Variants in CTR9 observed in about 807,000 individuals in gnomAD.
CTR9 encodes RNA polymerase-associated protein CTR9 homolog.
CTR9 carries 41 observed loss-of-function variants against 152.1 expected under a neutral mutation model. The observed-to-expected ratio is 0.27, with a 90% CI of 0.21 to 0.35. CTR9 has a LOEUF of 0.35. Ranked by LOEUF, CTR9 falls within the 10% of genes least tolerant of loss-of-function variation. CTR9 has a pLI of 1.00. For synonymous variants in CTR9, 476 were observed against 496.2 expected (o/e 0.96, Z 0.54); for missense variants, 917 against 1,424.4 (o/e 0.64, Z 5.73).
In CTR9 at chr11:10,763,631, T is replaced by G; in HGVS notation, c.958-12T>G. ...TTGTACATATTGGTCTTTTTTAATT[T>G]TCATTCTTTAGGAAGATTATGACCA... On this transcript the variant is annotated splice_polypyrimidine_tract_variant and intron_variant, in intron 8 of 24. Transcript: ENST00000361367. 1 of 1,587,508 alleles carries G rather than the reference T, an allele frequency of 6.3e-7. No individual in the cohort carries two copies. Among genetic ancestry groups the G allele is most frequent in the Non-Finnish European group, 8.5e-7 (1 of 1,170,884 alleles).
chr11:10,767,683 G>C lies in CTR9; in HGVS notation c.1687-123G>C. 1 of 812,512 alleles carries C rather than the reference G, an allele frequency of 1.2e-6. No individual in the cohort carries two copies. 50.3% of individuals were successfully genotyped at this position (812,512 alleles called of 1,614,324 possible). On this transcript the variant is annotated intron_variant, in intron 13 of 24. Transcript: ENST00000361367. The surrounding 1 kb of genome is among the most constrained non-coding windows in gnomAD (Gnocchi z 4.0). ...CAAAAAAAAAAAGAAAGAAAGAAAA[G>C]AAAGAAAACCACTGTTGTAATATAG...
intron 5 of CTR9, among the ~76,000 whole-genome samples, chr11:10,758,115 C>T (rs1564965814): frequency 6.6e-6 from 1 of 152,158 alleles, no homozygotes; most frequent in Non-Finnish European, 1.5e-5. Context: ...GGGGTCAAAG[C>T]TATAACCAGG....
intron 24 of CTR9, among the ~76,000 whole-genome samples, chr11:10,776,551 C>T (rs562662122): frequency 6.6e-6 from 1 of 152,264 alleles, no homozygotes; most frequent in African/African-American, 2.4e-5. Flanking sequence ...TTTATTCATT[C>T]AACAGACATT....
intron 24 of CTR9, among the ~76,000 whole-genome samples, chr11:10,777,971 A>G (rs904984302): frequency 4.6e-5 from 7 of 152,218 alleles, no homozygotes; most frequent in Admixed American, 1.3e-4. Context: ...CAGGAAGCCA[A>G]GACTCTGAGG....
rs1863070843 is a variant in CTR9, at chr11:10,767,018, C to G, written c.1686+528C>G. ...TATTTGCTTTTGCCAATGGGCGATA[C>G]ACTGATATTTTTACTTTATTCCATT... On this transcript the variant is annotated intron_variant, in intron 13 of 24. Transcript: ENST00000361367. This position sits in a 1 kb window ranked among gnomAD's most constrained non-coding sequence, Gnocchi z 4.0. 1 of 152,714 alleles carries G rather than the reference C, an allele frequency of 6.5e-6. No individual in the cohort carries two copies. Among genetic ancestry groups the G allele is most frequent in the Admixed American group, 6.5e-5 (1 of 15,306 alleles). 9.5% of individuals were successfully genotyped at this position (152,714 alleles called of 1,614,324 possible).
chr11:10,766,543 C>A, intron 13 of CTR9, 53 bp downstream of exon 13: 1 of 1,331,268 alleles, frequency 7.5e-7, no homozygotes, highest in Non-Finnish European at 1.0e-6. Flanking sequence ...ACTTTTCCTT[C>A]CCCATAAATC....
chr11:10,764,799 C>G, intron 12 of CTR9, 68 bp downstream of exon 12: 1 of 1,382,570 alleles, frequency 7.2e-7, no homozygotes, highest in South Asian at 1.6e-5. Flanking sequence ...AAAATTTAGC[C>G]TGAAAAAAAT....
rs1442214207 is a variant in CTR9 at position 10,755,063 on chromosome 11, A to G, written c.250A>G (p.Thr84Ala). 6.2e-7 allele frequency: 1 copy of G among 1,614,010 alleles called. No individual in the cohort carries two copies. The highest frequency in any genetic ancestry group is 1.1e-5 in the South Asian group (1 of 91,088). Residue 84 changes from threonine to alanine, a missense_variant, in exon 3 of 25, where the codon ACT (threonine) becomes GCT (alanine). Physicochemically the swap from Thr to Ala is moderately conservative, Grantham distance 58. This residue lies in a region of CTR9 where 67 missense variants were observed against 106.9 expected (regional missense o/e 0.63). Coordinates refer to ENST00000361367, the MANE Select transcript of CTR9 (RefSeq NM_014633.5). Reference sequence around the variant, plus strand: ...TAGAGACCATGAAAAAGACCAGATGACTTGCTTGGATACATTGGCAGCGTA... The same window carrying G: ...TAGAGACCATGAAAAAGACCAGATGGCTTGCTTGGATACATTGGCAGCGTA... ...DYRDHEKDQM[T>A]CLDTLAAYYV...
chr11:10,768,331 T>C lies in CTR9; in HGVS notation c.1961-12T>C. 6.2e-7 allele frequency: 1 copy of C among 1,605,074 alleles called. No homozygotes were observed. Among genetic ancestry groups the C allele is most frequent in the African/African-American group, 1.3e-5 (1 of 74,354 alleles). On this transcript the variant is annotated splice_polypyrimidine_tract_variant and intron_variant, in intron 15 of 24. Transcript: ENST00000361367. ...AGAAAATTGTTAAGTGTGAACCTTTTTATATCTTTAGGAGCTGTTTTGGCC... is the reference window on the plus strand; with the variant it reads ...AGAAAATTGTTAAGTGTGAACCTTTCTATATCTTTAGGAGCTGTTTTGGCC...
At chr11:10,762,101 G>A in intron 7 of CTR9, 47 bp downstream of exon 7, 1 of 1,052,422 alleles carries the variant, frequency 9.5e-7, no homozygotes, top group Admixed American at 2.5e-5. Flanking sequence ...TTTCTGTACT[G>A]CAATTGATAT....
In CTR9 at chr11:10,777,788, G is replaced by A. The variant is rs565664130; in HGVS notation, c.3096-891G>A. 2.0e-5 allele frequency among the ~76,000 whole-genome samples: 3 copies of A among 152,308 alleles called. No individual in the cohort carries two copies. The East Asian group carries it at 5.8e-4, about 29-fold the overall frequency. ...GGTCTTTAATATGTATACAGAAAGA[G>A]AGTAATATATTTCACCTCCCTCACC... On this transcript the variant is annotated intron_variant, in intron 24 of 24. Transcript: ENST00000361367.
chr11:10,762,026 AT>A lies in CTR9; in HGVS notation c.824del (p.Leu275TrpfsTer38). 1 of 1,600,696 alleles carries A rather than the reference AT, an allele frequency of 6.2e-7. No homozygotes were observed. The highest frequency in any genetic ancestry group is 1.1e-5 in the South Asian group (1 of 87,642). On this transcript the variant is annotated frameshift_variant, in exon 7 of 25. Coordinates refer to ENST00000361367, the MANE Select transcript of CTR9 (RefSeq NM_014633.5). LOFTEE classifies it high-confidence loss of function. ...IDPSNPMVLN[H>X]LANHFFFKKD... is the part of the protein sequence containing the mutation. ...CCTAGCAACCCTATGGTATTGAACCATTTGGCAAATCACTTTTTCTTCAAAA... is the reference window on the plus strand; with the variant it reads ...CCTAGCAACCCTATGGTATTGAACCATTGGCAAATCACTTTTTCTTCAAAA...
chr11:10,751,487 G>C (rs748144608), intron 1 of CTR9, 30 bp downstream of exon 1: 1 of 1,609,806 alleles, frequency 6.2e-7, no homozygotes, highest in African/African-American at 1.3e-5. Context: ...GCGGGTGGGG[G>C]CCATGAACTT....
intron 2 of CTR9, 28 bp downstream of exon 2, chr11:10,752,798 T>TA (rs755621124): frequency 3.9e-6 from 6 of 1,555,978 alleles, no homozygotes; most frequent in Non-Finnish European, 3.5e-6. Flanking sequence ...AAATATTTTT[T>TA]ATTTGTTGAC....
chr11:10,772,748 G>A, intron 20 of CTR9, 93 bp downstream of exon 20: 2 of 1,266,794 alleles, frequency 1.6e-6, no homozygotes, highest in East Asian at 5.4e-5. Context: ...TGCCAGGCGT[G>A]GTGGCTGACA....
At chr11:10,757,349 G>T (rs184242574) in intron 5 of CTR9, among the ~76,000 whole-genome samples, 1 of 151,474 alleles carries the variant, frequency 6.6e-6, no homozygotes, top group Non-Finnish European at 1.5e-5. Context: ...CAGCACTTTG[G>T]GAGGGTGAGG....
Position 10,768,218 on chromosome 11 carries a change from G to A in CTR9, c.1960+57G>A. The A allele has an allele frequency of 3.2e-6, 5 of 1,576,004 alleles. No homozygotes were observed. The South Asian group carries it at 4.5e-5, about 14-fold the overall frequency. ...TTGTTTCAAATGAATACTTTCAGAG[G>A]AATGTTTGTAAATCAGAATTTTTCT... is the stretch of plus-strand genomic sequence containing the variant. On this transcript the variant is annotated intron_variant, in intron 15 of 24. Coordinates refer to ENST00000361367, the MANE Select transcript of CTR9 (RefSeq NM_014633.5).
intron 22 of CTR9, among the ~76,000 whole-genome samples, chr11:10,774,478 T>TA (rs1348365001): frequency 6.6e-6 from 1 of 152,262 alleles, no homozygotes; most frequent in African/African-American, 2.4e-5. Flanking sequence ...GTGTCCACAC[T>TA]AACTGTGCAT....
At position 10,779,368 on chromosome 11, in the gene CTR9, A is replaced by G. The variant is rs1417493011; in HGVS notation, c.*263A>G. ...AAAACTGCAGTAAAAATAAACCCAG[A>G]TGCTAAATCATTCCTACAAAGGTTT... On this transcript the variant is annotated 3_prime_UTR_variant, in exon 25 of 25. Coordinates refer to ENST00000361367, the MANE Select transcript of CTR9 (RefSeq NM_014633.5). The G allele has an allele frequency of 5.4e-6, 2 of 370,810 alleles. No individual in the cohort carries two copies. Among genetic ancestry groups the G allele is most frequent in the Non-Finnish European group, 9.8e-6 (2 of 204,216 alleles). 23.0% of individuals were successfully genotyped at this position (370,810 alleles called of 1,614,324 possible).
Sources: gnomAD v4.1 joint callset for allele counts (sites outside exome capture counted in the v4.1 genomes callset) on GRCh38, gnomAD v4.1.1 for gene constraint, gnomAD v4.1.1 regional missense constraint, Gnocchi (gnomAD v3.1) non-coding constraint, MANE v1.5 for transcripts, NCBI Gene and HGNC (gene_info 2026-07-23, HGNC 2026-07-21) for gene names.